The following MEP1A variants were observed in gnomAD, a reference collection of about 807,000 sequenced individuals.
MEP1A encodes N-benzoyl-L-tyrosyl-P-amino-benzoic acid hydrolase subunit alpha.
Under a neutral mutation model 84.5 loss-of-function variants are expected in MEP1A, and 68 were observed. The observed-to-expected ratio is 0.80, with a 90% CI of 0.66 to 0.98. The LOEUF is 0.98. MEP1A is among the 50% of genes least tolerant of loss of function. MEP1A has a pLI of 0.00. For missense variants in MEP1A, 887 were observed against 919.9 expected, an observed-to-expected ratio of 0.96 and a Z score of 0.46; for synonymous variants, 337 against 336.8, an observed-to-expected ratio of 1.00 and a Z score of -0.01.
intron 6 of MEP1A, among the ~76,000 whole-genome samples, chr6:46,813,985 C>T (rs890250298): frequency 2.0e-5 from 3 of 152,130 alleles, no homozygotes; most frequent in African/African-American, 7.2e-5. Flanking sequence ...TCTTAAGATT[C>T]TTTCCTTTGT....
At chr6:46,829,310 G>A (rs1768020339) in intron 9 of MEP1A, 46 bp from the exon 10 acceptor site, 1 of 1,527,376 alleles carries the variant, frequency 6.5e-7, no homozygotes, top group Non-Finnish European at 9.1e-7. Flanking sequence ...CAGAACCCTG[G>A]GGTGTGGGAA....
At chr6:46,821,585 T>G (rs1345091674) in intron 7 of MEP1A, among the ~76,000 whole-genome samples, 1 of 152,202 alleles carries the variant, frequency 6.6e-6, no homozygotes, top group Non-Finnish European at 1.5e-5. Context: ...AAGCCTCAAT[T>G]TCTTACCTTC....
chr6:46,845,226 G>T, the MEP1A span, among the ~76,000 whole-genome samples: 5 of 152,198 alleles, frequency 3.3e-5, no homozygotes, highest in African/African-American at 4.8e-5. Context: ...TGTTGCATGT[G>T]ATCTTCTGGG....
intron 11 of MEP1A, among the ~76,000 whole-genome samples, chr6:46,834,091 C>A (rs1768143780): frequency 6.6e-6 from 1 of 151,638 alleles, no homozygotes; most frequent in Admixed American, 6.6e-5. Context: ...ATTCTTCTGT[C>A]TCAGACTCCC....
chr6:46,809,556 G>A lies in MEP1A; in HGVS notation c.380+19G>A, dbSNP rs780505251. 2.6e-5 allele frequency: 39 copies of A among 1,513,558 alleles called. No homozygotes were observed. The highest frequency in any genetic ancestry group is 1.7e-4 in the Middle Eastern group (1 of 5,836). 93.8% of individuals were successfully genotyped at this position (1,513,558 alleles called of 1,614,324 possible). ...TTGATGGGTTGGTATGAAATTTTACGGAGTGAAAATCATGCATACTTTGGT... is the reference window on the plus strand; with the variant it reads ...TTGATGGGTTGGTATGAAATTTTACAGAGTGAAAATCATGCATACTTTGGT... On this transcript the variant is annotated intron_variant, in intron 6 of 13. Transcript: ENST00000230588.
chr6:46,796,512 G>A (rs1767053953), intron 3 of MEP1A, among the ~76,000 whole-genome samples: 1 of 152,098 alleles, frequency 6.6e-6, no homozygotes, highest in Non-Finnish European at 1.5e-5. Flanking sequence ...ACACTTTACA[G>A]TTATTTGTTT....
At chr6:46,816,548 G>A (rs928504796) in intron 6 of MEP1A, among the ~76,000 whole-genome samples, 1 of 151,876 alleles carries the variant, frequency 6.6e-6, no homozygotes, top group Non-Finnish European at 1.5e-5. Flanking sequence ...AAGAGGGAGA[G>A]AGGGAAAGGG....
In MEP1A at chr6:46,826,313, A is replaced by G. The variant is rs774875246; in HGVS notation, c.779-41A>G. Reference sequence around the variant, plus strand: ...AAGACATTAGCTATTTGGAATGACTATCTTTCATTTTTAACCAGATGATAA... The same window carrying G: ...AAGACATTAGCTATTTGGAATGACTGTCTTTCATTTTTAACCAGATGATAA... On this transcript the variant is annotated intron_variant, in intron 8 of 13. Transcript: ENST00000230588. 42 of 1,549,222 alleles carry G rather than the reference A, an allele frequency of 2.7e-5. No individual in the cohort carries two copies. The Middle Eastern group carries it at 2.6e-3, about 95-fold the overall frequency.
At chr6:46,807,244 T>C (rs1767345995) in intron 5 of MEP1A, among the ~76,000 whole-genome samples, 1 of 151,968 alleles carries the variant, frequency 6.6e-6, no homozygotes, top group Admixed American at 6.6e-5. Context: ...CTAGTGGTTT[T>C]CAAAACTAAC....
rs559833903 is a variant in MEP1A, at chr6:46,823,619, A to C, written c.557-1653A>C. Among the ~76,000 whole-genome samples the C allele has an allele frequency of 1.1e-3, 164 of 152,350 alleles. 1 individual carries two copies. The highest frequency in any genetic ancestry group is 1.9e-3 in the South Asian group (9 of 4,832). On this transcript the variant is annotated intron_variant, in intron 7 of 13. Transcript: ENST00000230588. ...AGAGCAAAAACTCCGTCTCAAAACT[A>C]AACAAGTAAACAAACAAAAAGTGAC...
chr6:46,833,108 G>A lies in MEP1A; in HGVS notation c.1179G>A (p.Val393=). ...ACCACAATTGGAAAATTGCCCATGTGGTGCTCAAAGAGGAACAGAAGTTTC... is the reference window on the plus strand; with the variant it reads ...ACCACAATTGGAAAATTGCCCATGTAGTGCTCAAAGAGGAACAGAAGTTTC... ...DDDHNWKIAH[V]VLKEEQKFRY... is the part of the protein sequence containing the mutation. Residue 393 remains valine (V), a synonymous_variant, in exon 11 of 14, where the codon GTG becomes GTA. Transcript: ENST00000230588. The A allele has an allele frequency of 2.0e-6, 3 of 1,534,392 alleles. No homozygotes were observed. The highest frequency in any genetic ancestry group is 1.3e-5 in the South Asian group (1 of 76,524).
intron 6 of MEP1A, among the ~76,000 whole-genome samples, chr6:46,812,128 A>G (rs1335572260): frequency 6.6e-6 from 1 of 151,798 alleles, no homozygotes; most frequent in African/African-American, 2.4e-5. Flanking sequence ...GCAATTTTTG[A>G]ATTGCCATTT....
downstream of MEP1A, among the ~76,000 whole-genome samples, chr6:46,840,107 A>G (rs749316741): frequency 1.3e-5 from 2 of 152,186 alleles, no homozygotes; most frequent in African/African-American, 4.8e-5. Context: ...AATAAATGAA[A>G]AGATTTTAAG....
chr6:46,819,411 T>C, intron 6 of MEP1A, 118 bp from the exon 7 acceptor site: 1 of 772,976 alleles, frequency 1.3e-6, no homozygotes, highest in South Asian at 1.9e-5. Context: ...AGAATGCTGT[T>C]GGTAATTTCT....
intron 5 of MEP1A, among the ~76,000 whole-genome samples, chr6:46,803,950 C>A (rs1480516407): frequency 6.6e-6 from 1 of 151,658 alleles, no homozygotes; most frequent in African/African-American, 2.4e-5. Flanking sequence ...TCCATTTATA[C>A]CCCTGCCCTT....
In MEP1A at chr6:46,809,538, G is replaced by A. The variant is rs1229544662; in HGVS notation, c.380+1G>A. 4 of 1,575,316 alleles carry A rather than the reference G, an allele frequency of 2.5e-6. No homozygotes were observed. The highest frequency in any genetic ancestry group is 2.6e-6 in the Non-Finnish European group (3 of 1,150,912). On this transcript the variant is annotated splice_donor_variant, in intron 6 of 13. Transcript: ENST00000230588. LOFTEE classifies it high-confidence loss of function. Reference sequence around the variant, plus strand: ...ATATCATATTTCAACAGTTTGATGGGTTGGTATGAAATTTTACGGAGTGAA... The same window carrying A: ...ATATCATATTTCAACAGTTTGATGGATTGGTATGAAATTTTACGGAGTGAA...
chr6:46,829,414 A>C lies in MEP1A; in HGVS notation c.987A>C (p.Leu329=), dbSNP rs769416622. The change falls in exon 10 of 14, where the codon CTA becomes CTC. Residue 329 remains leucine (L), a synonymous_variant. Transcript: ENST00000230588. ...CGGGGTCCGCGGAAGAGGCAGCCCT[A>C]CTGGAGTCTCGGATTCTTTACCCAA... is the stretch of plus-strand genomic sequence containing the variant. ...TSSGSAEEAA[L]LESRILYPKR... 6.2e-7 allele frequency: 1 copy of C among 1,614,112 alleles called. No individual in the cohort carries two copies. Among genetic ancestry groups the C allele is most frequent in the Admixed American group, 1.7e-5 (1 of 60,022 alleles).
intron 3 of MEP1A, among the ~76,000 whole-genome samples, chr6:46,797,911 C>CTTCA (rs1324001722): frequency 5.9e-4 from 22 of 37,118 alleles, no homozygotes; most frequent in African/African-American, 1.7e-3. Context: ...TCCTTCCTTC[C>CTTCA]TTCCTTCCTT....
intron 5 of MEP1A, among the ~76,000 whole-genome samples, chr6:46,804,937 A>G (rs1767281547): frequency 6.6e-6 from 1 of 151,846 alleles, no homozygotes; most frequent in Non-Finnish European, 1.5e-5. Flanking sequence ...ATCATATGTT[A>G]TATACTCTTT....
Sources: allele counts gnomAD v4.1 joint callset (sites outside exome capture counted in the v4.1 genomes callset), GRCh38; gene constraint gnomAD v4.1.1; transcripts MANE v1.5; gene names NCBI Gene and HGNC (gene_info 2026-07-23, HGNC 2026-07-21).